Variants in BANK1 observed in about 807,000 individuals in gnomAD.
BANK1 encodes B-cell scaffold protein with ankyrin repeats.
In BANK1, 95 loss-of-function variants were observed where a neutral mutation model predicts 94.5. The observed-to-expected ratio is 1.00, with a 90% CI of 0.85 to 1.19. The LOEUF (loss-of-function observed/expected upper bound fraction) is 1.19, where lower values mean the gene tolerates loss of function less well. Ranked by LOEUF, BANK1 falls within the 50% of genes most tolerant of loss-of-function variation. The pLI, the probability that BANK1 is intolerant of heterozygous loss-of-function variation, is 0.00. For synonymous variants in BANK1, 334 were observed against 308.4 expected, an observed-to-expected ratio of 1.08 and a Z score of -0.87; for missense variants, 987 against 932.2, an observed-to-expected ratio of 1.06 and a Z score of -0.77.
intron 7 of BANK1, among the ~76,000 whole-genome samples, chr4:101,994,618 G>A (rs868450980): frequency 2.6e-5 from 4 of 152,262 alleles, no homozygotes; most frequent in Middle Eastern, 6.8e-3. Flanking sequence ...AGGGCTGATA[G>A]GGGCCTTAGA....
At chr4:101,956,773 G>T (rs967337606) in intron 7 of BANK1, among the ~76,000 whole-genome samples, 2 of 152,158 alleles carry the variant, frequency 1.3e-5, no homozygotes, top group African/African-American at 4.8e-5. Context: ...TAATGAAACT[G>T]ATTGATCATT....
intron 7 of BANK1, among the ~76,000 whole-genome samples, chr4:102,006,375 T>A (rs943889835): frequency 6.6e-6 from 1 of 152,092 alleles, no homozygotes; most frequent in East Asian, 1.9e-4. Flanking sequence ...CTAACTTAAT[T>A]GGTTTTGAGT....
At chr4:102,062,717 T>G (rs1560715816) in intron 12 of BANK1, 1 of 192,238 alleles carries the variant, frequency 5.2e-6, no homozygotes, top group South Asian at 1.1e-4. Context: ...GGACACCAAA[T>G]AGCCAATACA....
intron 1 of BANK1, among the ~76,000 whole-genome samples, chr4:101,810,128 G>A (rs901621059): frequency 2.6e-5 from 4 of 152,218 alleles, no homozygotes; most frequent in Admixed American, 2.6e-4. Context: ...CTGGAGGAAT[G>A]GGACCATTGG....
Position 101,974,008 on chromosome 4 carries a change from A to G in BANK1, c.1207-47506A>G, listed in dbSNP as rs1725044046. ...CAACATAGCTTTTTACCTGGTATTA[A>G]TTATTATTGTTGTGTTAATTGAACC... On this transcript the variant is annotated intron_variant, in intron 7 of 16. Coordinates refer to ENST00000322953, the MANE Select transcript of BANK1 (RefSeq NM_017935.5). Among the ~76,000 whole-genome samples, 3 of 152,198 alleles carry G rather than the reference A, an allele frequency of 2.0e-5. No individual in the cohort carries two copies. In the South Asian group the frequency reaches 6.2e-4, roughly 32 times the overall value.
intron 11 of BANK1, among the ~76,000 whole-genome samples, chr4:102,044,786 T>C (rs1183846955): frequency 4.4e-5 from 4 of 90,014 alleles, no homozygotes; most frequent in Non-Finnish European, 6.6e-5. Context: ...TGGCCAGTGA[T>C]GGTGAGCATT....
chr4:102,049,219 A>G (rs77796163), intron 11 of BANK1, among the ~76,000 whole-genome samples: 3,156 of 152,306 alleles, frequency 0.021, 123 homozygotes, highest in African/African-American at 0.072. Flanking sequence ...TAAAGTTTCT[A>G]TAAAATATAC....
At chr4:101,831,888 C>T (rs1726635891) in intron 2 of BANK1, among the ~76,000 whole-genome samples, 1 of 152,172 alleles carries the variant, frequency 6.6e-6, no homozygotes, top group Admixed American at 6.5e-5. Flanking sequence ...GGTTCTGGAG[C>T]AGGATTTGTC....
chr4:101,886,769 G>A (rs1340824971), intron 5 of BANK1, among the ~76,000 whole-genome samples: 1 of 144,392 alleles, frequency 6.9e-6, no homozygotes. Context: ...ATTGGGGGGG[G>A]GGGCATGTTG....
chr4:102,000,855 C>T (rs924992628), intron 7 of BANK1, among the ~76,000 whole-genome samples: 3 of 152,202 alleles, frequency 2.0e-5, no homozygotes, highest in African/African-American at 7.2e-5. Flanking sequence ...TAGGATCCAA[C>T]ACATAATAGA....
At chr4:102,032,591 A>G (rs1283711604) in intron 10 of BANK1, among the ~76,000 whole-genome samples, 1 of 152,124 alleles carries the variant, frequency 6.6e-6, no homozygotes, top group Non-Finnish European at 1.5e-5. Flanking sequence ...ATGTTTAACA[A>G]TGAAGCACCG....
intron 7 of BANK1, among the ~76,000 whole-genome samples, chr4:101,962,712 A>C (rs1724611928): frequency 6.6e-6 from 1 of 152,122 alleles, no homozygotes; most frequent in Admixed American, 6.6e-5. Flanking sequence ...CCATGCTGTA[A>C]GGAATATTCT....
chr4:101,970,657 T>A (rs747928404), intron 7 of BANK1, among the ~76,000 whole-genome samples: 3 of 152,068 alleles, frequency 2.0e-5, no homozygotes, highest in Non-Finnish European at 4.4e-5. Flanking sequence ...TGAGAAAGGC[T>A]GCAGTGGATG....
At chr4:101,806,612 ATC>A (rs1725563892) in intron 1 of BANK1, among the ~76,000 whole-genome samples, 1 of 152,206 alleles carries the variant, frequency 6.6e-6, no homozygotes, top group Non-Finnish European at 1.5e-5. Flanking sequence ...CACATTAATT[ATC>A]CATGAGAATA....
intron 1 of BANK1, among the ~76,000 whole-genome samples, chr4:101,804,576 A>G (rs1725491153): frequency 6.6e-6 from 1 of 152,168 alleles, no homozygotes; most frequent in Non-Finnish European, 1.5e-5. Context: ...CATACTGTAG[A>G]TTGAGGTCTG....
intron 6 of BANK1, among the ~76,000 whole-genome samples, chr4:101,913,942 T>A (rs73836639): frequency 7.9e-4 from 121 of 152,292 alleles, no homozygotes; most frequent in African/African-American, 2.7e-3. Context: ...AATATTGACA[T>A]TCTAGAACTC....
chr4:101,958,388 A>T (rs2148917781), intron 7 of BANK1, among the ~76,000 whole-genome samples: 1 of 152,014 alleles, frequency 6.6e-6, no homozygotes, highest in African/African-American at 2.4e-5. Context: ...CTGAGATTAA[A>T]ACCCATGCCC....
At chr4:101,874,709 A>G (rs1285355869) in intron 5 of BANK1, among the ~76,000 whole-genome samples, 1 of 152,144 alleles carries the variant, frequency 6.6e-6, no homozygotes, top group African/African-American at 2.4e-5. Flanking sequence ...ATGTCTTCTT[A>G]ACTCTATGAT....
intron 7 of BANK1, among the ~76,000 whole-genome samples, chr4:102,000,339 A>C (rs1302677500): frequency 2.0e-5 from 3 of 151,714 alleles, no homozygotes; most frequent in Non-Finnish European, 4.4e-5. Flanking sequence ...AAAAAAAAAA[A>C]AAAAAAACAG....
Sources: allele counts gnomAD v4.1 joint callset (sites outside exome capture counted in the v4.1 genomes callset), GRCh38; gene constraint gnomAD v4.1.1; transcripts MANE v1.5; gene names NCBI Gene and HGNC (gene_info 2026-07-23, HGNC 2026-07-21).